Variants in CCAR1 observed in about 807,000 individuals in gnomAD.
CCAR1 encodes cell division cycle and apoptosis regulator protein 1.
A neutral mutation model predicts 163.8 loss-of-function variants in CCAR1; 78 were observed. The ratio of observed to expected loss-of-function variants is 0.48; its 90% CI spans 0.40 to 0.57. The LOEUF (loss-of-function observed/expected upper bound fraction) is 0.57. CCAR1 is among the 20% of genes least tolerant of loss of function. The pLI is 0.00. For synonymous variants in CCAR1, 443 were observed against 460.7 expected (o/e 0.96, Z 0.49); for missense variants, 1,019 against 1,365.2 (o/e 0.75, Z 4.00).
At chr10:68,767,110 G>A (rs961046278) in intron 17 of CCAR1, among the ~76,000 whole-genome samples, 18 of 152,156 alleles carry the variant, frequency 1.2e-4, no homozygotes, top group African/African-American at 3.9e-4. Flanking sequence ...ATGTCTAGTT[G>A]TCTCTTTTGG....
At chr10:68,735,331 A>G (rs1045733051) in intron 2 of CCAR1, among the ~76,000 whole-genome samples, 21 of 151,696 alleles carry the variant, frequency 1.4e-4, no homozygotes, top group African/African-American at 4.8e-4. Flanking sequence ...CCTTAGTGAC[A>G]AAGTGAGACT....
intron 2 of CCAR1, among the ~76,000 whole-genome samples, chr10:68,727,462 G>C (rs1274712532): frequency 1.3e-5 from 2 of 152,092 alleles, no homozygotes; most frequent in African/African-American, 4.8e-5. Context: ...TAGGACCTCA[G>C]AATTGTGGTT....
Position 68,771,346 on chromosome 10 carries a change from T to A in CCAR1, c.2439T>A (p.Asp813Glu), listed in dbSNP as rs755467362. 4 of 1,603,860 alleles carry A rather than the reference T, an allele frequency of 2.5e-6. No individual in the cohort carries two copies. The highest frequency in any genetic ancestry group is 3.4e-6 in the Non-Finnish European group (4 of 1,174,484). The change falls in exon 18 of 25, where the codon GAT (aspartate) becomes GAA (glutamate). Residue 813 changes from aspartate to glutamate, a missense_variant. By Grantham distance (45) the Asp-to-Glu change is conservative (BLOSUM62 2). Around this residue, in one of 4 missense-constraint regions of CCAR1, gnomAD observed 358 missense variants for 406.4 expected, o/e 0.88. Coordinates refer to ENST00000265872, the MANE Select transcript of CCAR1 (RefSeq NM_018237.4). ...AAAGCAAAAAAGATGAGAGAAAAGA[T>A]AAAAAAGAAGAAAGAGATGATGAAA... ...DKKSKKDERKDKKEERDDETD... is the reference protein window; with the variant it reads ...DKKSKKDERKEKKEERDDETD...
rs183684300 is a variant in CCAR1 at position 68,741,521 on chromosome 10, G to A, written c.325-855G>A. ...TAAAAAGAGCCTATAGGCTGTCTTT[G>A]GCCCATGGGTCATAGTTTGCTGATC... On this transcript the variant is annotated intron_variant, in intron 5 of 24. Coordinates refer to ENST00000265872, the MANE Select transcript of CCAR1 (RefSeq NM_018237.4). Among the ~76,000 whole-genome samples, 467 of 152,148 alleles carry A rather than the reference G, an allele frequency of 3.1e-3. 1 individual carries two copies. Among genetic ancestry groups the A allele is most frequent in the African/African-American group, 0.011 (449 of 41,516 alleles).
chr10:68,788,047 G>A lies in CCAR1; in HGVS notation c.3001G>A (p.Gly1001Arg). 6.3e-7 allele frequency: 1 copy of A among 1,586,440 alleles called. No homozygotes were observed. Among genetic ancestry groups the A allele is most frequent in the Non-Finnish European group, 8.5e-7 (1 of 1,171,728 alleles). Residue 1001 changes from glycine to arginine, a missense_variant and splice_region_variant, in exon 22 of 25, where the codon GGA (glycine) becomes AGA (arginine). Gly to Arg is a moderately radical substitution (Grantham distance 125). Transcript: ENST00000265872. The part of the protein sequence containing the change: ...ESESLQEDML[G>R]NRLLLPTPTV... Reference sequence around the variant, plus strand: ...TGAGTCATTGCAGGAAGATATGCTAGGTCTGAGTAATATTAAGATTTTGCT... The same window carrying A: ...TGAGTCATTGCAGGAAGATATGCTAAGTCTGAGTAATATTAAGATTTTGCT...
intron 6 of CCAR1, among the ~76,000 whole-genome samples, chr10:68,744,866 G>A (rs911876587): frequency 3.3e-5 from 5 of 150,794 alleles, no homozygotes; most frequent in African/African-American, 1.2e-4. Flanking sequence ...TTGAGACAGG[G>A]TCTTGCTTTA....
intron 18 of CCAR1, among the ~76,000 whole-genome samples, chr10:68,772,012 A>G (rs2056610116): frequency 6.6e-6 from 1 of 151,872 alleles, no homozygotes; most frequent in South Asian, 2.1e-4. Context: ...CTGAGACTAC[A>G]GGTGCACACC....
At position 68,756,180 on chromosome 10, in the gene CCAR1, A is replaced by T; in HGVS notation, c.1626-93A>T. 1 of 993,508 alleles carries T rather than the reference A, an allele frequency of 1.0e-6. No individual in the cohort carries two copies. 61.5% of individuals were successfully genotyped at this position (993,508 alleles called of 1,614,324 possible). A position where few individuals can be genotyped will look rare whatever the true frequency, so the allele number is the denominator to read the frequency against. ...TAGACCAACCTCAAGTTCTTGCAGCAAAATTTCTTTACTTGATGTGCTACA... is the reference window on the plus strand; with the variant it reads ...TAGACCAACCTCAAGTTCTTGCAGCTAAATTTCTTTACTTGATGTGCTACA... On this transcript the variant is annotated intron_variant, in intron 13 of 24. Transcript: ENST00000265872. The surrounding 1 kb of genome is among the most constrained non-coding windows in gnomAD (Gnocchi z 5.1).
chr10:68,737,195 G>T, intron 3 of CCAR1, 147 bp downstream of exon 3: 1 of 660,590 alleles, frequency 1.5e-6, no homozygotes. Flanking sequence ...TATTATATCT[G>T]ACCAGCATAT....
chr10:68,772,666 G>T (rs954952209), intron 18 of CCAR1, among the ~76,000 whole-genome samples: 2 of 151,612 alleles, frequency 1.3e-5, no homozygotes, highest in Admixed American at 6.6e-5. Flanking sequence ...GCTGAGGTGG[G>T]TGGATCACTT....
At chr10:68,776,251 TTTTC>T (rs1436080198) in intron 19 of CCAR1, among the ~76,000 whole-genome samples, 2 of 151,278 alleles carry the variant, frequency 1.3e-5, no homozygotes, top group African/African-American at 4.9e-5. Flanking sequence ...TTTTCTTTTC[TTTTC>T]TTTTTTTTTT....
chr10:68,723,551 T>C (rs777977751), intron 2 of CCAR1, among the ~76,000 whole-genome samples: 3 of 152,002 alleles, frequency 2.0e-5, no homozygotes, highest in East Asian at 1.9e-4. Flanking sequence ...TAATGAGTTA[T>C]GTTTAAAAGT....
chr10:68,755,461 C>G lies in CCAR1; in HGVS notation c.1550C>G (p.Pro517Arg). The G allele has an allele frequency of 6.2e-7, 1 of 1,614,086 alleles. No individual in the cohort carries two copies. The highest frequency in any genetic ancestry group is 8.5e-7 in the Non-Finnish European group (1 of 1,179,916). ...SLDGPDPEKD[P>R]SVLIKTAIRC... ...GATGGACCAGACCCAGAAAAAGATCCCTCTGTGTTGATTAAGACTGCTATT... is the reference window on the plus strand; with the variant it reads ...GATGGACCAGACCCAGAAAAAGATCGCTCTGTGTTGATTAAGACTGCTATT... The change falls in exon 13 of 25, where the codon CCC becomes CGC. Residue 517 changes from proline to arginine, a missense_variant. Around this residue, in one of 4 missense-constraint regions of CCAR1, gnomAD observed 644 missense variants for 904.4 expected, o/e 0.71. Transcript: ENST00000265872.
At position 68,734,156 on chromosome 10, in the gene CCAR1, A is replaced by G. The variant is rs866244472; in HGVS notation, c.74-2720A>G. On this transcript the variant is annotated intron_variant, in intron 2 of 24. Coordinates refer to ENST00000265872, the MANE Select transcript of CCAR1 (RefSeq NM_018237.4). ...TGAATGAATTTTTGTGATGTTCAAG[A>G]GTAGGGTACCTGCCTTTGGTCGGTT... 5.9e-5 allele frequency among the ~76,000 whole-genome samples: 9 copies of G among 152,144 alleles called. No homozygotes were observed. The South Asian group carries it at 1.9e-3, about 32-fold the overall frequency.
At chr10:68,735,686 A>G (rs981653945) in intron 2 of CCAR1, 4 of 152,178 alleles carry the variant, frequency 2.6e-5, no homozygotes, top group Non-Finnish European at 5.9e-5. Flanking sequence ...AATTACAGAC[A>G]TGAGCTGCCT....
At chr10:68,763,000 AT>A (rs1341044284) in intron 16 of CCAR1, among the ~76,000 whole-genome samples, 1 of 152,152 alleles carries the variant, frequency 6.6e-6, no homozygotes, top group African/African-American at 2.4e-5. Context: ...ATGGATATGG[AT>A]GTGACATTAG....
chr10:68,725,236 G>A (rs2055925024), intron 2 of CCAR1, among the ~76,000 whole-genome samples: 1 of 151,802 alleles, frequency 6.6e-6, no homozygotes, highest in African/African-American at 2.4e-5. Flanking sequence ...AGGCGGAGGT[G>A]GGCATATCAC....
At chr10:68,739,644 T>A (rs1416428918) in intron 4 of CCAR1, among the ~76,000 whole-genome samples, 1 of 152,190 alleles carries the variant, frequency 6.6e-6, no homozygotes, top group Non-Finnish European at 1.5e-5. Context: ...TCAAATCAGA[T>A]GTCTTGTTTT....
chr10:68,763,209 G>GGT (rs2056495683), intron 16 of CCAR1, among the ~76,000 whole-genome samples: 2 of 151,992 alleles, frequency 1.3e-5, no homozygotes, highest in Admixed American at 1.3e-4. Context: ...GGAGTGCAGT[G>GGT]GTGCGATCTC....
Sources: allele counts gnomAD v4.1 joint callset (sites outside exome capture counted in the v4.1 genomes callset), GRCh38; gene constraint gnomAD v4.1.1; regional missense constraint gnomAD v4.1.1; non-coding constraint Gnocchi (gnomAD v3.1); transcripts MANE v1.5; gene names NCBI Gene and HGNC (gene_info 2026-07-23, HGNC 2026-07-21).